The following UNC5D variants were observed in gnomAD, a reference collection of about 807,000 sequenced individuals.
UNC5D encodes netrin receptor UNC5D.
Under a neutral mutation model 105.4 loss-of-function variants are expected in UNC5D, and 39 were observed. The observed-to-expected ratio is 0.37, with a 90% CI of 0.29 to 0.48. UNC5D has a LOEUF of 0.48. Ranked by LOEUF, UNC5D falls within the 20% of genes least tolerant of loss-of-function variation. UNC5D has a pLI of 0.98. For synonymous variants in UNC5D, 452 were observed against 450.4 expected (o/e 1.00, Z -0.04); for missense variants, 991 against 1,202.4 (o/e 0.82, Z 2.60).
chr8:35,789,843 G>A (rs929817297), intron 16 of UNC5D, among the ~76,000 whole-genome samples: 3 of 151,454 alleles, frequency 2.0e-5, no homozygotes, highest in African/African-American at 4.9e-5. Context: ...ATGAGTGAAA[G>A]TATGACATAA....
chr8:35,330,841 T>C (rs1056954518), intron 1 of UNC5D, among the ~76,000 whole-genome samples: 11 of 152,192 alleles, frequency 7.2e-5, no homozygotes, highest in Non-Finnish European at 1.2e-4. Context: ...CACTGTATTA[T>C]ACAAAATGTG....
At chr8:35,257,103 C>T (rs1196720644) in intron 1 of UNC5D, among the ~76,000 whole-genome samples, 1 of 151,796 alleles carries the variant, frequency 6.6e-6, no homozygotes, top group Non-Finnish European at 1.5e-5. Flanking sequence ...TCCTGAGTAG[C>T]TGGGATTACA....
chr8:35,792,074 A>C lies in UNC5D; in HGVS notation c.*1511A>C, dbSNP rs980258599. On this transcript the variant is annotated 3_prime_UTR_variant, in exon 17 of 17. Coordinates refer to ENST00000404895, the MANE Select transcript of UNC5D (RefSeq NM_080872.4). Reference sequence around the variant, plus strand: ...CAGATGAACCACAAGGCAGCTAGTCAGCTACTTAGAGGTTGGTTACATTCG... The same window carrying C: ...CAGATGAACCACAAGGCAGCTAGTCCGCTACTTAGAGGTTGGTTACATTCG... The C allele has an allele frequency of 6.6e-6, 1 of 152,164 alleles. No homozygotes were observed. Among genetic ancestry groups the C allele is most frequent in the Non-Finnish European group, 1.5e-5 (1 of 68,022 alleles). The allele number at this position is 152,164 out of a possible 1,614,324, so 9.4% of individuals were successfully genotyped here.
chr8:35,533,346 A>T (rs899281380), intron 1 of UNC5D, among the ~76,000 whole-genome samples: 8 of 151,992 alleles, frequency 5.3e-5, no homozygotes, highest in Non-Finnish European at 1.2e-4. Context: ...GGTGCCTCCC[A>T]GTTAGGCTGC....
intron 1 of UNC5D, among the ~76,000 whole-genome samples, chr8:35,404,375 A>C (rs1804669450): frequency 6.6e-6 from 1 of 152,174 alleles, no homozygotes; most frequent in African/African-American, 2.4e-5. Flanking sequence ...TAGAAGGAAT[A>C]GATACTAGTT....
intron 1 of UNC5D, among the ~76,000 whole-genome samples, chr8:35,283,018 G>A (rs1422262215): frequency 6.6e-6 from 1 of 152,122 alleles, no homozygotes; most frequent in Non-Finnish European, 1.5e-5. Flanking sequence ...CTGGCTAAAA[G>A]TAATAATACC....
chr8:35,395,292 C>T (rs759934670), intron 1 of UNC5D, among the ~76,000 whole-genome samples: 11 of 152,136 alleles, frequency 7.2e-5, no homozygotes, highest in Non-Finnish European at 1.0e-4. Context: ...CAGTTTATAA[C>T]GCTAGTTGAT....
intron 4 of UNC5D, among the ~76,000 whole-genome samples, chr8:35,670,129 A>G (rs890575015): frequency 2.6e-5 from 4 of 152,190 alleles, no homozygotes; most frequent in Admixed American, 6.5e-5. Context: ...ATATGGTATT[A>G]TAAAAACAGG....
At chr8:35,345,081 T>C (rs1811711210) in intron 1 of UNC5D, among the ~76,000 whole-genome samples, 1 of 152,066 alleles carries the variant, frequency 6.6e-6, no homozygotes. Flanking sequence ...TGTGGCAAAG[T>C]TTGATCTATA....
chr8:35,356,503 T>C (rs968615733), intron 1 of UNC5D, among the ~76,000 whole-genome samples: 2 of 152,202 alleles, frequency 1.3e-5, no homozygotes, highest in African/African-American at 4.8e-5. Context: ...TCATGGTCTG[T>C]GGCCAATCAT....
chr8:35,638,747 C>T (rs1426806352), intron 4 of UNC5D, among the ~76,000 whole-genome samples: 7 of 152,028 alleles, frequency 4.6e-5, no homozygotes, highest in Admixed American at 2.6e-4. Context: ...TGATAGTGAG[C>T]CGTGATCCTG....
At chr8:35,398,210 A>G (rs1333657034) in intron 1 of UNC5D, among the ~76,000 whole-genome samples, 1 of 152,194 alleles carries the variant, frequency 6.6e-6, no homozygotes, top group Non-Finnish European at 1.5e-5. Context: ...CCAGTTCAAC[A>G]ACTGTAACCT....
chr8:35,795,880 C>T lies in UNC5D; in HGVS notation c.*5317C>T, dbSNP rs1803233499. 1 of 152,166 alleles carries T rather than the reference C, an allele frequency of 6.6e-6. No homozygotes were observed. 9.4% of individuals were successfully genotyped at this position (152,166 alleles called of 1,614,324 possible). A position where few individuals can be genotyped will look rare whatever the true frequency, so the allele number is the denominator to read the frequency against. ...GATTGGTACATACACTCCAGGAAGT[C>T]TCAACCTAGAAACATTTCCAACCTA... On this transcript the variant is annotated 3_prime_UTR_variant, in exon 17 of 17. Transcript: ENST00000404895.
intron 1 of UNC5D, among the ~76,000 whole-genome samples, chr8:35,373,878 A>T (rs1482333384): frequency 6.6e-6 from 1 of 152,218 alleles, no homozygotes; most frequent in Non-Finnish European, 1.5e-5. Context: ...TCATTTGAGC[A>T]CCAGGGTTCT....
At position 35,743,601 on chromosome 8, in the gene UNC5D, A is replaced by C. The variant is rs184091246; in HGVS notation, c.1767-4926A>C. 7.2e-3 allele frequency among the ~76,000 whole-genome samples: 1,080 copies of C among 150,590 alleles called. 8 individuals are homozygous for C. The highest frequency in any genetic ancestry group is 0.024 in the African/African-American group (957 of 40,238). ...GCTGCACTCACTTTAAAAAAAAAAA[A>C]ATTTTTTTTAAATCTTGACAAAATT... On this transcript the variant is annotated intron_variant, in intron 11 of 16. Coordinates refer to ENST00000404895, the MANE Select transcript of UNC5D (RefSeq NM_080872.4).
chr8:35,605,009 G>A (rs1208932556), intron 4 of UNC5D, among the ~76,000 whole-genome samples: 1 of 152,036 alleles, frequency 6.6e-6, no homozygotes, highest in Non-Finnish European at 1.5e-5. Flanking sequence ...TTAGCTCAGA[G>A]TAGTTTGATC....
intron 1 of UNC5D, among the ~76,000 whole-genome samples, chr8:35,542,632 G>C (rs1037427693): frequency 6.6e-6 from 1 of 152,210 alleles, no homozygotes; most frequent in Non-Finnish European, 1.5e-5. Flanking sequence ...CTGGTGTACA[G>C]TGTAACCATT....
chr8:35,783,946 G>C (rs1200074993), intron 16 of UNC5D, among the ~76,000 whole-genome samples: 1 of 151,984 alleles, frequency 6.6e-6, no homozygotes, highest in Non-Finnish European at 1.5e-5. Flanking sequence ...TTTTAACAAG[G>C]TTATTAGTTT....
At chr8:35,499,280 C>A (rs1329764002) in intron 1 of UNC5D, among the ~76,000 whole-genome samples, 1 of 152,194 alleles carries the variant, frequency 6.6e-6, no homozygotes, top group Admixed American at 6.5e-5. Flanking sequence ...CTGGTAGGCA[C>A]CTACATGAAG....
Sources: gnomAD v4.1 joint callset for allele counts (sites outside exome capture counted in the v4.1 genomes callset) on GRCh38, gnomAD v4.1.1 for gene constraint, MANE v1.5 for transcripts, NCBI Gene and HGNC (gene_info 2026-07-23, HGNC 2026-07-21) for gene names.